SLC15A1: variants seen among roughly 807,000 people sequenced by gnomAD.
The protein encoded by SLC15A1 is solute carrier family 15 member 1.
SLC15A1 carries 83 observed loss-of-function variants against 92.9 expected under a neutral mutation model. The ratio of observed to expected loss-of-function variants is 0.89; its 90% CI spans 0.75 to 1.07. The LOEUF is 1.07. Ranked by LOEUF, SLC15A1 falls within the 50% of genes least tolerant of loss-of-function variation. SLC15A1 has a pLI of 0.00. For missense variants in SLC15A1, 857 were observed against 880.1 expected, an observed-to-expected ratio of 0.97 and a Z score of 0.33; for synonymous variants, 322 against 318.2, an observed-to-expected ratio of 1.01 and a Z score of -0.13.
chr13:98,741,181 A>G (rs892665679), intron 1 of SLC15A1, among the ~76,000 whole-genome samples: 1 of 152,198 alleles, frequency 6.6e-6, no homozygotes, highest in African/African-American at 2.4e-5. Context: ...AATCAGAAAA[A>G]GTGTCCCTGA....
Position 98,688,142 on chromosome 13 carries a change from T to C in SLC15A1, c.1683+106A>G, listed in dbSNP as rs1277703450. On this transcript the variant is annotated intron_variant, in intron 20 of 22. Coordinates refer to ENST00000376503, the MANE Select transcript of SLC15A1 (RefSeq NM_005073.4). ...ATTCTAAGCCCATTTAAAATACAGA[T>C]CCTAATATCACTCTAGTTAAATCAT... is the stretch of plus-strand genomic sequence containing the variant. The C allele has an allele frequency of 1.3e-5, 10 of 744,432 alleles. 1 individual carries two copies. The highest frequency in any genetic ancestry group is 1.8e-5 in the African/African-American group (1 of 56,626). The allele number at this position is 744,432 out of a possible 1,614,324, so 46.1% of individuals were successfully genotyped here. A position where few individuals can be genotyped will look rare whatever the true frequency, so the allele number is the denominator to read the frequency against.
chr13:98,741,565 G>A (rs532552653), intron 1 of SLC15A1, among the ~76,000 whole-genome samples: 12 of 152,064 alleles, frequency 7.9e-5, no homozygotes, highest in African/African-American at 2.4e-4. Flanking sequence ...GTGAGAGCCC[G>A]TCTCTACTAA....
At chr13:98,715,784 T>G in intron 9 of SLC15A1, 94 bp downstream of exon 9, 1 of 1,012,408 alleles carries the variant, frequency 9.9e-7, no homozygotes, top group South Asian at 1.4e-5. Context: ...AAAATATATT[T>G]AAAGGAAAGT....
intron 1 of SLC15A1, among the ~76,000 whole-genome samples, chr13:98,733,931 C>A (rs1269213191): frequency 6.6e-6 from 1 of 152,176 alleles, no homozygotes; most frequent in Non-Finnish European, 1.5e-5. Flanking sequence ...CTGTCCTCAC[C>A]ACAGTGAGTG....
intron 22 of SLC15A1, 31 bp downstream of exon 22, chr13:98,686,159 G>A (rs1425900223): frequency 6.7e-7 from 1 of 1,484,388 alleles, no homozygotes; most frequent in South Asian, 1.2e-5. Context: ...GAAAGACAGA[G>A]GTATGTGCAA....
At chr13:98,745,162 C>T (rs80042685) in intron 1 of SLC15A1, among the ~76,000 whole-genome samples, 2,977 of 152,200 alleles carry the variant, frequency 0.02, 101 homozygotes, top group African/African-American at 0.068. Flanking sequence ...CTGTTTTCTA[C>T]GTACCAACTC....
chr13:98,717,426 A>G (rs2088219464), intron 8 of SLC15A1, among the ~76,000 whole-genome samples: 1 of 152,234 alleles, frequency 6.6e-6, no homozygotes, highest in African/African-American at 2.4e-5. Flanking sequence ...GTGTTGACAC[A>G]TCGGATTTGG....
At position 98,708,670 on chromosome 13, in the gene SLC15A1, C is replaced by G; in HGVS notation, c.1149+16G>C. 6.2e-7 allele frequency: 1 copy of G among 1,608,492 alleles called. No homozygotes were observed. Among genetic ancestry groups the G allele is most frequent in the South Asian group, 1.1e-5 (1 of 90,306 alleles). ...TCCACCAGGAAAGGACATGGGAGAA[C>G]CAGGGGACAACTCACATCGATTTCC... On this transcript the variant is annotated intron_variant, in intron 15 of 22. Transcript: ENST00000376503.
chr13:98,748,595 A>T (rs1566462296), intron 1 of SLC15A1, among the ~76,000 whole-genome samples: 1 of 152,110 alleles, frequency 6.6e-6, no homozygotes, highest in Non-Finnish European at 1.5e-5. Context: ...GTGCCCAGCT[A>T]TCCCTACGTT....
Position 98,721,864 on chromosome 13 carries a change from C to T in SLC15A1, c.405G>A (p.Gly135=), listed in dbSNP as rs1348908784. Residue 135 remains glycine (G), a synonymous_variant, in exon 6 of 23, where the codon GGG becomes GGA. Transcript: ENST00000376503. ...ACACACAGGGTTTGATTCCTCCAGT[C>T]CCGAGAGCTATCAGGGCCAGGCCGA... ...SLIGLALIAL[G]TGGIKPCVSA... is the part of the protein sequence containing the mutation. 9.9e-6 allele frequency: 16 copies of T among 1,614,090 alleles called. No individual in the cohort carries two copies. Among genetic ancestry groups the T allele is most frequent in the Non-Finnish European group, 1.4e-5 (16 of 1,180,036 alleles).
intron 22 of SLC15A1, among the ~76,000 whole-genome samples, chr13:98,685,757 G>A (rs943349816): frequency 2.6e-5 from 4 of 152,148 alleles, no homozygotes; most frequent in African/African-American, 9.7e-5. Flanking sequence ...GGGGGCCAAG[G>A]TGGGCAGATA....
intron 1 of SLC15A1, among the ~76,000 whole-genome samples, chr13:98,751,109 A>G (rs2088542422): frequency 6.8e-6 from 1 of 147,160 alleles, no homozygotes; most frequent in South Asian, 2.1e-4. Context: ...AACAACCATT[A>G]AACAATTTTT....
At chr13:98,733,714 A>C (rs2088367819) in intron 1 of SLC15A1, among the ~76,000 whole-genome samples, 1 of 152,198 alleles carries the variant, frequency 6.6e-6, no homozygotes, top group Non-Finnish European at 1.5e-5. Context: ...GAATCAGGAG[A>C]TCGAACCTCA....
chr13:98,720,124 G>A (rs369694700), intron 7 of SLC15A1, among the ~76,000 whole-genome samples: 52 of 152,320 alleles, frequency 3.4e-4, no homozygotes, highest in African/African-American at 1.3e-3. Context: ...AGAGAAAGAA[G>A]TTAACTAGCA....
chr13:98,717,609 G>A (rs571104441), intron 8 of SLC15A1, among the ~76,000 whole-genome samples: 1 of 152,310 alleles, frequency 6.6e-6, no homozygotes, highest in East Asian at 1.9e-4. Flanking sequence ...GTATCAATGA[G>A]CCTGCTAGGG....
intron 18 of SLC15A1, among the ~76,000 whole-genome samples, chr13:98,696,365 A>T (rs2088021537): frequency 6.6e-6 from 1 of 151,962 alleles, no homozygotes; most frequent in Non-Finnish European, 1.5e-5. Flanking sequence ...GTGAGCCAAG[A>T]TGGCACCAGT....
intron 1 of SLC15A1, among the ~76,000 whole-genome samples, chr13:98,747,197 G>A (rs2088500138): frequency 2.6e-5 from 4 of 152,166 alleles, no homozygotes; most frequent in African/African-American, 4.8e-5. Flanking sequence ...TGAGTCAACC[G>A]TGCTCGCTCA....
Position 98,715,890 on chromosome 13 carries a change from G to T in SLC15A1, c.711C>A (p.Ala237=). 2 of 1,614,006 alleles carry T rather than the reference G, an allele frequency of 1.2e-6. No individual in the cohort carries two copies. Among genetic ancestry groups the T allele is most frequent in the Non-Finnish European group, 1.7e-6 (2 of 1,179,906 alleles). The change falls in exon 9 of 23, where the codon GCC becomes GCA. Residue 237 remains alanine, a synonymous_variant. Coordinates refer to ENST00000376503, the MANE Select transcript of SLC15A1 (RefSeq NM_005073.4). ...CTGAGATACTTACACCGATGCACTT[G>T]GCCACTTTACCCATGATGTTGCCCT... ...KPQGNIMGKV[A]KCIGFAIKNR... is the part of the protein sequence containing the mutation.
intron 18 of SLC15A1, among the ~76,000 whole-genome samples, chr13:98,697,196 C>T (rs2139568357): frequency 6.6e-6 from 1 of 152,304 alleles, no homozygotes; most frequent in Admixed American, 6.5e-5. Context: ...GCTGGGATTA[C>T]AGGCACGCAC....
Sources: allele counts gnomAD v4.1 joint callset (sites outside exome capture counted in the v4.1 genomes callset), GRCh38; gene constraint gnomAD v4.1.1; transcripts MANE v1.5; gene names NCBI Gene and HGNC (gene_info 2026-07-23, HGNC 2026-07-21).